Variants in GLI2 observed in about 807,000 individuals in gnomAD.
GLI2 encodes GLI family zinc finger 2, also known as transcription activator GLI2.
In GLI2, 22 loss-of-function variants were observed where a neutral mutation model predicts 78.9. That is an observed-to-expected ratio of 0.28 (90% CI 0.20 to 0.40). The LOEUF (loss-of-function observed/expected upper bound fraction) is 0.40, where lower values mean the gene tolerates loss of function less well. Ranked by LOEUF, GLI2 falls within the 10% of genes least tolerant of loss-of-function variation. GLI2 has a pLI of 1.00. For synonymous variants in GLI2, 974 were observed against 963.7 expected (o/e 1.01, Z -0.20); for missense variants, 2,097 against 2,213.2 (o/e 0.95, Z 1.05).
rs77340443 is a variant in GLI2, at chr2:120,875,767, C to T, written c.149-51594C>T. The stretch of plus-strand genomic sequence containing the variant: ...AAAATTCACATGGAAGGCAACAAAA[C>T]GCCAAAGAGCCAGGACTAAAAGATG... On this transcript the variant is annotated intron_variant, in intron 2 of 13. Transcript: ENST00000361492. Among the ~76,000 whole-genome samples, 1,132 of 151,748 alleles carry T rather than the reference C, an allele frequency of 7.5e-3. 9 individuals are homozygous for T. The highest frequency in any genetic ancestry group is 0.026 in the African/African-American group (1,062 of 41,334).
rs1412636446 is a variant in GLI2 at position 120,988,834 on chromosome 2, C to T, written c.2869C>T (p.Arg957Trp). Residue 957 changes from arginine to tryptophan, a missense_variant, in exon 14 of 14, where the codon CGG (arginine) becomes TGG (tryptophan). Arg to Trp is a moderately radical substitution (Grantham distance 101). Transcript: ENST00000361492. ...AGCCAGGCGGGCCAGCGACCCTGTG[C>T]GGCGGCCCGATGCCCTGTCCCTGCC... ...GGARRASDPV[R>W]RPDALSLPRV... is the part of the protein sequence containing the mutation. 4.1e-6 allele frequency: 6 copies of T among 1,469,372 alleles called. No individual in the cohort carries two copies. Among genetic ancestry groups the T allele is most frequent in the Non-Finnish European group, 4.5e-6 (5 of 1,112,030 alleles). The allele number at this position is 1,469,372 out of a possible 1,614,324, so 91.0% of individuals were successfully genotyped here.
intron 1 of GLI2, among the ~76,000 whole-genome samples, chr2:120,739,472 T>C (rs1364554775): frequency 1.3e-5 from 2 of 152,218 alleles, no homozygotes; most frequent in Non-Finnish European, 2.9e-5. Context: ...GGCCTTTTCC[T>C]GGGGAAAGTG....
At chr2:120,814,992 C>G in intron 2 of GLI2, among the ~76,000 whole-genome samples, 1 of 152,080 alleles carries the variant, frequency 6.6e-6, no homozygotes, top group Non-Finnish European at 1.5e-5. Context: ...CCTGTCCTGT[C>G]CTGTTGATGC....
intron 1 of GLI2, among the ~76,000 whole-genome samples, chr2:120,770,969 CA>C (rs1481074786): frequency 6.6e-6 from 1 of 152,224 alleles, no homozygotes; most frequent in African/African-American, 2.4e-5. Flanking sequence ...TTATGACATC[CA>C]TTTTTGCCCC....
chr2:120,888,474 T>C (rs1677522463), intron 2 of GLI2, among the ~76,000 whole-genome samples: 1 of 152,118 alleles, frequency 6.6e-6, no homozygotes, highest in African/African-American at 2.4e-5. Flanking sequence ...ATTTTCAGGG[T>C]GTTTTCTTCT....
chr2:120,765,667 G>A (rs760779920), intron 1 of GLI2, among the ~76,000 whole-genome samples: 9 of 152,238 alleles, frequency 5.9e-5, no homozygotes, highest in Non-Finnish European at 1.3e-4. Flanking sequence ...ATCAGGACCC[G>A]TTAGGGCAGG....
intron 1 of GLI2, chr2:120,792,224 A>C (rs4848629): frequency 1 from 152,204 of 152,354 alleles, 76,027 homozygotes; most frequent in Middle Eastern, 1. Context: ...TTCTTCAAGC[A>C]AGTCCTTTAA....
At chr2:120,961,439 A>G (rs993044018) in intron 5 of GLI2, among the ~76,000 whole-genome samples, 7 of 152,212 alleles carry the variant, frequency 4.6e-5, no homozygotes, top group Non-Finnish European at 8.8e-5. Flanking sequence ...GCTGCTGTGT[A>G]CAGGCACGGG....
At chr2:120,879,990 C>T (rs1026138835) in intron 2 of GLI2, among the ~76,000 whole-genome samples, 1 of 152,186 alleles carries the variant, frequency 6.6e-6, no homozygotes, top group Admixed American at 6.5e-5. Context: ...TATTTCTGCA[C>T]ATCATGCTAG....
At position 120,988,748 on chromosome 2, in the gene GLI2, C is replaced by G. The variant is rs1004685361; in HGVS notation, c.2783C>G (p.Thr928Ser). ...CCGCGGCGTGGCAGCGACGGGCCGA[C>G]CTATGGCCACGGCCACGCGGGGGCT... Reference protein sequence around the residue: ...LGPRRGSDGPTYGHGHAGAAP... With the variant: ...LGPRRGSDGPSYGHGHAGAAP... Residue 928 changes from threonine to serine, a missense_variant, in exon 14 of 14, where the codon ACC becomes AGC. This residue lies in a region of GLI2 where 1,290 missense variants were observed against 1,261.7 expected (regional missense o/e 1.02). Coordinates refer to ENST00000361492, the MANE Select transcript of GLI2 (RefSeq NM_001374353.1). 8.1e-7 allele frequency: 1 copy of G among 1,229,260 alleles called. No homozygotes were observed. The highest frequency in any genetic ancestry group is 1.6e-5 in the African/African-American group (1 of 61,532). 76.1% of individuals were successfully genotyped at this position (1,229,260 alleles called of 1,614,324 possible).
chr2:120,850,320 A>G (rs1293985096), intron 2 of GLI2, among the ~76,000 whole-genome samples: 1 of 152,166 alleles, frequency 6.6e-6, no homozygotes. Flanking sequence ...ACAGAACAGA[A>G]CAAAACAAAA....
intron 2 of GLI2, among the ~76,000 whole-genome samples, chr2:120,836,766 G>A (rs974780166): frequency 1.3e-5 from 2 of 152,196 alleles, no homozygotes; most frequent in Non-Finnish European, 2.9e-5. Flanking sequence ...GTATCACACT[G>A]CTCATTTAGA....
intron 2 of GLI2, among the ~76,000 whole-genome samples, chr2:120,906,779 A>G (rs74534597): frequency 0.053 from 8,123 of 152,170 alleles, 645 homozygotes; most frequent in African/African-American, 0.17. Flanking sequence ...GCACCCACCT[A>G]AGGTAGTTAG....
chr2:120,957,910 CTGTT>C (rs747678381), intron 5 of GLI2, among the ~76,000 whole-genome samples: 3 of 152,224 alleles, frequency 2.0e-5, no homozygotes, highest in Non-Finnish European at 4.4e-5. Flanking sequence ...AGGCCTTGCT[CTGTT>C]TGTTACCAGC....
rs370669708 is a variant in GLI2 at position 120,804,074 on chromosome 2, A to G, written c.148+6606A>G. 3.9e-5 allele frequency among the ~76,000 whole-genome samples: 6 copies of G among 152,262 alleles called. No individual in the cohort carries two copies. The East Asian group carries it at 7.7e-4, about 20-fold the overall frequency. ...CATTGGCCCTGCTGGGTTCTTGGAA[A>G]GTTTTTCTGAGGCACAGTTTTGCTT... On this transcript the variant is annotated intron_variant, in intron 2 of 13. Coordinates refer to ENST00000361492, the MANE Select transcript of GLI2 (RefSeq NM_001374353.1).
In GLI2 at chr2:120,856,706, C is replaced by T. The variant is rs1043174565; in HGVS notation, c.148+59238C>T. Among the ~76,000 whole-genome samples the T allele has an allele frequency of 2.0e-5, 3 of 152,266 alleles. No homozygotes were observed. The South Asian group carries it at 6.2e-4, about 32-fold the overall frequency. On this transcript the variant is annotated intron_variant, in intron 2 of 13. Coordinates refer to ENST00000361492, the MANE Select transcript of GLI2 (RefSeq NM_001374353.1). ...GCCCTCTGTCATTCTACTTGCCTGA[C>T]CACTGCCCTCCCATGGCTCTGCAGA...
At chr2:120,876,214 T>C (rs547834732) in intron 2 of GLI2, among the ~76,000 whole-genome samples, 10 of 152,150 alleles carry the variant, frequency 6.6e-5, no homozygotes, top group South Asian at 2.1e-4. Flanking sequence ...TGGTGGCGGG[T>C]GCCTGTAGTC....
At chr2:120,777,972 G>A (rs1469932284) in intron 1 of GLI2, among the ~76,000 whole-genome samples, 2 of 152,096 alleles carry the variant, frequency 1.3e-5, no homozygotes, top group Non-Finnish European at 1.5e-5. Context: ...GCCATGGGGG[G>A]CAGGCAGCCC....
At chr2:120,844,780 G>C (rs1687034968) in intron 2 of GLI2, among the ~76,000 whole-genome samples, 1 of 152,172 alleles carries the variant, frequency 6.6e-6, no homozygotes, top group Non-Finnish European at 1.5e-5. Flanking sequence ...CATCCTAGCA[G>C]AGACCCCTCA....
Sources: gnomAD v4.1 joint callset for allele counts (sites outside exome capture counted in the v4.1 genomes callset) on GRCh38, gnomAD v4.1.1 for gene constraint, gnomAD v4.1.1 regional missense constraint, MANE v1.5 for transcripts, NCBI Gene and HGNC (gene_info 2026-07-23, HGNC 2026-07-21) for gene names.